FBXO45: variants seen among roughly 807,000 people sequenced by gnomAD.
FBXO45 encodes F-box/SPRY domain-containing protein 1.
A neutral mutation model predicts 25.5 loss-of-function variants in FBXO45; 3 were observed. That is an observed-to-expected ratio of 0.12 (90% CI 0.05 to 0.30). The LOEUF is 0.30. Among genes scored for constraint, FBXO45 ranks in the 10% least tolerant of loss-of-function variants. The probability of loss-of-function intolerance (pLI) is 1.00; values close to 1 mark genes in which losing one functional copy is unlikely to be tolerated. For synonymous variants in FBXO45, 155 were observed against 149.8 expected (o/e 1.03, Z -0.25); for missense variants, 219 against 365.0 (o/e 0.60, Z 3.26).
In FBXO45 at chr3:196,585,278, T is replaced by A. The variant is rs1736085778; in HGVS notation, c.*960T>A. 6.6e-6 allele frequency: 1 copy of A among 152,224 alleles called. No individual in the cohort carries two copies. The highest frequency in any genetic ancestry group is 2.4e-5 in the African/African-American group (1 of 41,466). The allele number at this position is 152,224 out of a possible 1,614,324, so 9.4% of individuals were successfully genotyped here. A position where few individuals can be genotyped will look rare whatever the true frequency, so the allele number is the denominator to read the frequency against. On this transcript the variant is annotated 3_prime_UTR_variant, in exon 3 of 3. Coordinates refer to ENST00000311630, the MANE Select transcript of FBXO45 (RefSeq NM_001105573.2). ...GAAAGTGTCTCATAACACAGAACAT[T>A]GCCATTTGCTCTTGTAGGCCTCAAA... is the stretch of plus-strand genomic sequence containing the variant.
At chr3:196,578,762 T>G (rs1037863038) in intron 2 of FBXO45, among the ~76,000 whole-genome samples, 2 of 152,220 alleles carry the variant, frequency 1.3e-5, no homozygotes, top group African/African-American at 4.8e-5. Flanking sequence ...CAATGCAAAT[T>G]CATAAACTTT....
chr3:196,577,313 G>C, intron 1 of FBXO45, 140 bp from the exon 2 acceptor site: 1 of 643,968 alleles, frequency 1.6e-6, no homozygotes, highest in Non-Finnish European at 2.5e-6. Context: ...TGAAACTTCA[G>C]CCATTATTTG....
At chr3:196,574,692 G>C (rs902968791) in intron 1 of FBXO45, among the ~76,000 whole-genome samples, 1 of 152,196 alleles carries the variant, frequency 6.6e-6, no homozygotes, top group Non-Finnish European at 1.5e-5. Flanking sequence ...GTGGTTAAAA[G>C]TGTGTTAGAA....
rs1243746577 is a variant in FBXO45 at position 196,586,971 on chromosome 3, G to GGGAAAGTGCTTGTGCCGTGGAT, written c.*2655_*2676dup. The GGGAAAGTGCTTGTGCCGTGGAT allele has an allele frequency of 6.6e-6, 1 of 152,140 alleles. No homozygotes were observed. Among genetic ancestry groups the GGGAAAGTGCTTGTGCCGTGGAT allele is most frequent in the Non-Finnish European group, 1.5e-5 (1 of 68,022 alleles). The allele number at this position is 152,140 out of a possible 1,614,324, so 9.4% of individuals were successfully genotyped here. A position where few individuals can be genotyped will look rare whatever the true frequency, so the allele number is the denominator to read the frequency against. The stretch of plus-strand genomic sequence containing the variant: ...TATTGAGGGTAAAGGAGAAAATAAT[G>GGGAAAGTGCTTGTGCCGTGGAT]GGAAAGTGCTTGTGCCGTGGATGAA... On this transcript the variant is annotated 3_prime_UTR_variant, in exon 3 of 3. Coordinates refer to ENST00000311630, the MANE Select transcript of FBXO45 (RefSeq NM_001105573.2).
intron 2 of FBXO45, among the ~76,000 whole-genome samples, chr3:196,578,149 T>G (rs2108727722): frequency 6.7e-6 from 1 of 149,592 alleles, no homozygotes. Context: ...CAAGCAATTC[T>G]CTGCCTCAGC....
At chr3:196,575,422 C>T (rs1341027144) in intron 1 of FBXO45, among the ~76,000 whole-genome samples, 2 of 145,234 alleles carry the variant, frequency 1.4e-5, no homozygotes, top group Non-Finnish European at 3.0e-5. Flanking sequence ...TGAGCCACTG[C>T]ACTCCAGCTT....
rs899242963 is a variant in FBXO45 at position 196,584,040 on chromosome 3, T to G, written c.676-93T>G. 1.3e-5 allele frequency: 15 copies of G among 1,186,422 alleles called. No individual in the cohort carries two copies. The highest frequency in any genetic ancestry group is 2.8e-4 in the Middle Eastern group (1 of 3,628). The allele number at this position is 1,186,422 out of a possible 1,614,324, so 73.5% of individuals were successfully genotyped here. A position where few individuals can be genotyped will look rare whatever the true frequency, so the allele number is the denominator to read the frequency against. ...TTTCTAGATAGCTTTCAGGATAATA[T>G]TCTTAATATTTTCAACTTCTTGATT... On this transcript the variant is annotated intron_variant, in intron 2 of 2. Coordinates refer to ENST00000311630, the MANE Select transcript of FBXO45 (RefSeq NM_001105573.2). The surrounding 1 kb of genome is among the most constrained non-coding windows in gnomAD (Gnocchi z 4.3).
Position 196,569,352 on chromosome 3 carries a change from T to G in FBXO45, c.318+50T>G. On this transcript the variant is annotated intron_variant, in intron 1 of 2. Transcript: ENST00000311630. The surrounding 1 kb of genome is among the most constrained non-coding windows in gnomAD (Gnocchi z 4.1). ...CTGCCCCCAGTCCCGCTCCCCGGCG[T>G]CGTTCGCGGTGTTTCTCATCCGAGC... is the stretch of plus-strand genomic sequence containing the variant. The G allele has an allele frequency of 7.0e-7, 1 of 1,433,864 alleles. No individual in the cohort carries two copies. Among genetic ancestry groups the G allele is most frequent in the Non-Finnish European group, 9.3e-7 (1 of 1,074,710 alleles). The allele number at this position is 1,433,864 out of a possible 1,614,324, so 88.8% of individuals were successfully genotyped here.
Position 196,588,966 on chromosome 3 carries a change from A to G in FBXO45, c.*4648A>G, listed in dbSNP as rs767638201. On this transcript the variant is annotated 3_prime_UTR_variant, in exon 3 of 3. Coordinates refer to ENST00000311630, the MANE Select transcript of FBXO45 (RefSeq NM_001105573.2). This position sits in a 1 kb window ranked among gnomAD's most constrained non-coding sequence, Gnocchi z 4.2. ...AAAATACTGGTAAACTCTGATTTTTATATTTGTTTAGAATTTAAATTAGAA... is the reference window on the plus strand; with the variant it reads ...AAAATACTGGTAAACTCTGATTTTTGTATTTGTTTAGAATTTAAATTAGAA... 2 of 152,310 alleles carry G rather than the reference A, an allele frequency of 1.3e-5. No individual in the cohort carries two copies. Among genetic ancestry groups the G allele is most frequent in the South Asian group, 4.1e-4 (2 of 4,834 alleles). 9.4% of individuals were successfully genotyped at this position (152,310 alleles called of 1,614,324 possible).
rs538828421 is a variant in FBXO45 at position 196,584,609 on chromosome 3, T to G, written c.*291T>G. ...GTTATTTCCAGCTTTAAAGGTGAGA[T>G]TGTAGAGATGCTGTCAAAGGGATAA... On this transcript the variant is annotated 3_prime_UTR_variant, in exon 3 of 3. Coordinates refer to ENST00000311630, the MANE Select transcript of FBXO45 (RefSeq NM_001105573.2). The surrounding 1 kb of genome is among the most constrained non-coding windows in gnomAD (Gnocchi z 4.3). The G allele has an allele frequency of 2.0e-5, 5 of 252,320 alleles. No homozygotes were observed. Among genetic ancestry groups the G allele is most frequent in the Non-Finnish European group, 3.7e-5 (5 of 134,132 alleles). 15.6% of individuals were successfully genotyped at this position (252,320 alleles called of 1,614,324 possible).
chr3:196,574,560 T>C (rs1427545869), intron 1 of FBXO45, among the ~76,000 whole-genome samples: 1 of 152,180 alleles, frequency 6.6e-6, no homozygotes, highest in African/African-American at 2.4e-5. Context: ...CTCAGCTCGA[T>C]TTTGCGGATT....
In FBXO45 at chr3:196,577,481, C is replaced by T. The variant is rs1293517287; in HGVS notation, c.347C>T (p.Thr116Ile). The change falls in exon 2 of 3, where the codon ACT becomes ATT. Residue 116 changes from threonine to isoleucine, a missense_variant. Transcript: ENST00000311630. ...KIRAFQHAFS[T>I]NDCSRNVYIK... The stretch of plus-strand genomic sequence containing the variant: ...CGTGCTTTTCAACATGCCTTCAGCA[C>T]TAATGACTGCTCCAGGAATGTCTAC... 2 of 1,609,880 alleles carry T rather than the reference C, an allele frequency of 1.2e-6. No individual in the cohort carries two copies. The highest frequency in any genetic ancestry group is 1.7e-6 in the Non-Finnish European group (2 of 1,176,464).
At chr3:196,580,562 T>A (rs912774398) in intron 2 of FBXO45, among the ~76,000 whole-genome samples, 4 of 152,144 alleles carry the variant, frequency 2.6e-5, no homozygotes, top group African/African-American at 9.7e-5. Flanking sequence ...CAACCTCAAG[T>A]GATCCACCTG....
chr3:196,584,367 T>C lies in FBXO45; in HGVS notation c.*49T>C, dbSNP rs762738636. Reference sequence around the variant, plus strand: ...ACAGAATGGAGGAGAGATCTGCTTATGGGAAGTAGAACCATGAAGTGACTG... The same window carrying C: ...ACAGAATGGAGGAGAGATCTGCTTACGGGAAGTAGAACCATGAAGTGACTG... On this transcript the variant is annotated 3_prime_UTR_variant, in exon 3 of 3. Coordinates refer to ENST00000311630, the MANE Select transcript of FBXO45 (RefSeq NM_001105573.2). The surrounding 1 kb of genome is among the most constrained non-coding windows in gnomAD (Gnocchi z 4.3). 1.3e-6 allele frequency: 2 copies of C among 1,502,742 alleles called. No homozygotes were observed. The highest frequency in any genetic ancestry group is 2.6e-5 in the South Asian group (2 of 77,744). 93.1% of individuals were successfully genotyped at this position (1,502,742 alleles called of 1,614,324 possible).
intron 2 of FBXO45, among the ~76,000 whole-genome samples, chr3:196,579,275 A>G (rs1485977978): frequency 6.6e-6 from 1 of 152,262 alleles, no homozygotes; most frequent in African/African-American, 2.4e-5. Context: ...TTCCAGCCTC[A>G]GTAATGACCT....
intron 1 of FBXO45, among the ~76,000 whole-genome samples, chr3:196,570,929 T>A (rs1735813708): frequency 6.6e-6 from 1 of 151,850 alleles, no homozygotes; most frequent in Admixed American, 6.6e-5. Context: ...ACCAGCATGG[T>A]CTCAATCTCC....
rs1244199552 is a variant in FBXO45 at position 196,585,178 on chromosome 3, TATATC to T, written c.*862_*866del. 3.9e-5 allele frequency: 6 copies of T among 152,244 alleles called. No individual in the cohort carries two copies. The highest frequency in any genetic ancestry group is 2.0e-4 in the Admixed American group (3 of 15,276). The allele number at this position is 152,244 out of a possible 1,614,324, so 9.4% of individuals were successfully genotyped here. On this transcript the variant is annotated 3_prime_UTR_variant, in exon 3 of 3. Transcript: ENST00000311630. Reference sequence around the variant, plus strand: ...AGGCAAATCTATTTCTAATTATACATATATCAGTAAGGATGATCTCAACATAATAG... The same window carrying T: ...AGGCAAATCTATTTCTAATTATACATAGTAAGGATGATCTCAACATAATAG...
intron 2 of FBXO45, among the ~76,000 whole-genome samples, chr3:196,581,222 C>CTTTT (rs1560319177): frequency 4.0e-5 from 3 of 75,920 alleles, no homozygotes; most frequent in Non-Finnish European, 5.6e-5. Context: ...TTTTCTTTTT[C>CTTTT]CTTTTTTTTT....
At chr3:196,575,311 C>G (rs1310108893) in intron 1 of FBXO45, among the ~76,000 whole-genome samples, 1 of 152,008 alleles carries the variant, frequency 6.6e-6, no homozygotes, top group Non-Finnish European at 1.5e-5. Flanking sequence ...CAAAAATTAG[C>G]CGGGTGTGGT....
Sources: allele counts gnomAD v4.1 joint callset (sites outside exome capture counted in the v4.1 genomes callset), GRCh38; gene constraint gnomAD v4.1.1; non-coding constraint Gnocchi (gnomAD v3.1); transcripts MANE v1.5; gene names NCBI Gene and HGNC (gene_info 2026-07-23, HGNC 2026-07-21).